Variants in SLC22A25 observed in about 807,000 individuals in gnomAD.
SLC22A25 encodes MGI:2442751, MGI:2385316, MGI:3042283, MGI:3645714, MGI:3605624, MGI:2442750.
A neutral mutation model predicts 45.9 loss-of-function variants in SLC22A25; 44 were observed. That is an observed-to-expected ratio of 0.96 (90% CI 0.75 to 1.23). SLC22A25 has a LOEUF of 1.23. Among genes scored for constraint, SLC22A25 ranks in the 50% most tolerant of loss-of-function variants. The pLI is 0.00. For missense variants in SLC22A25, 800 were observed against 666.4 expected (o/e 1.20, Z -2.21); for synonymous variants, 283 against 238.6 (o/e 1.19, Z -1.72).
In SLC22A25 at chr11:63,165,922, A is replaced by G. The variant is rs551823923; in HGVS notation, c.1285+122T>C. On this transcript the variant is annotated intron_variant, in intron 10 of 11. Transcript: ENST00000306494. ...ATCTGTCCTAAAGCCCCAGATTTCT[A>G]TCAGGGAATCCTGAGAACTCAATTC... 21 of 1,253,690 alleles carry G rather than the reference A, an allele frequency of 1.7e-5. No homozygotes were observed. The Admixed American group carries it at 4.5e-4, about 27-fold the overall frequency. The allele number at this position is 1,253,690 out of a possible 1,614,324, so 77.7% of individuals were successfully genotyped here. A position where few individuals can be genotyped will look rare whatever the true frequency, so the allele number is the denominator to read the frequency against.
Position 63,238,723 on chromosome 11 carries a change from A to G in SLC22A25, c.-583T>C, listed in dbSNP as rs938125156. 1 of 201,030 alleles carries G rather than the reference A, an allele frequency of 5.0e-6. No homozygotes were observed. The allele number at this position is 201,030 out of a possible 1,614,324, so 12.5% of individuals were successfully genotyped here. ...GGAAATTGGGGCCTCTTACCCAGTC[A>G]CGATGGTGGAGAGGAAGGAGCTTCT... On this transcript the variant is annotated 5_prime_UTR_variant, in exon 2 of 12. It removes the in-frame stop codon of an upstream open reading frame in the 5' UTR. Transcript: ENST00000306494.
chr11:63,219,179 CT>C (rs1258741959), intron 5 of SLC22A25, among the ~76,000 whole-genome samples: 4 of 152,014 alleles, frequency 2.6e-5, no homozygotes, highest in African/African-American at 9.7e-5. Flanking sequence ...AAATGCATGA[CT>C]TTTTTCTATA....
In SLC22A25 at chr11:63,174,355, C is replaced by T. The variant is rs1427250571; in HGVS notation, c.1070+6305G>A. Among the ~76,000 whole-genome samples the T allele has an allele frequency of 2.6e-5, 4 of 152,212 alleles. No individual in the cohort carries two copies. The East Asian group carries it at 7.7e-4, about 29-fold the overall frequency. On this transcript the variant is annotated intron_variant, in intron 9 of 11. Coordinates refer to ENST00000306494, the MANE Select transcript of SLC22A25 (RefSeq NM_199352.6). ...GAACACAAGATTGGGCTCCCAGTGG[C>T]AGAGCAATGGTCAGGCAGGCATAAA...
chr11:63,210,585 A>G (rs2089531321), intron 7 of SLC22A25, among the ~76,000 whole-genome samples: 1 of 152,130 alleles, frequency 6.6e-6, no homozygotes, highest in South Asian at 2.1e-4. Flanking sequence ...GCAGATCCTG[A>G]CCTGATTGGC....
At chr11:63,210,032 A>G (rs968717992) in intron 7 of SLC22A25, among the ~76,000 whole-genome samples, 4 of 152,236 alleles carry the variant, frequency 2.6e-5, no homozygotes, top group Non-Finnish European at 5.9e-5. Context: ...ATATGAGTAA[A>G]ATATCAGAAG....
intron 5 of SLC22A25, among the ~76,000 whole-genome samples, chr11:63,226,676 G>T (rs1486495351): frequency 6.6e-6 from 1 of 152,204 alleles, no homozygotes; most frequent in East Asian, 1.9e-4. Context: ...AGGTCCTAGG[G>T]TTCTACAATC....
chr11:63,168,030 T>A, intron 9 of SLC22A25: 1 of 306,444 alleles, frequency 3.3e-6, no homozygotes, highest in Non-Finnish European at 6.6e-6. Flanking sequence ...AAACAGGATC[T>A]GGAGTGGACC....
Position 63,230,199 on chromosome 11 carries a change from G to A in SLC22A25, c.-444-103C>T, listed in dbSNP as rs141730910. Reference sequence around the variant, plus strand: ...GTTGAATTAAAATGAGTAATATGGTGCAAACCTTCCATTTTGTTGACTGAT... The same window carrying A: ...GTTGAATTAAAATGAGTAATATGGTACAAACCTTCCATTTTGTTGACTGAT... On this transcript the variant is annotated intron_variant, in intron 3 of 11. Coordinates refer to ENST00000306494, the MANE Select transcript of SLC22A25 (RefSeq NM_199352.6). Among the ~76,000 whole-genome samples, 54 of 152,240 alleles carry A rather than the reference G, an allele frequency of 3.5e-4. No individual in the cohort carries two copies. In the East Asian group the frequency reaches 9.5e-3, roughly 27 times the overall value.
chr11:63,179,714 A>C (rs2088250124), intron 9 of SLC22A25, among the ~76,000 whole-genome samples: 1 of 152,138 alleles, frequency 6.6e-6, no homozygotes, highest in African/African-American at 2.4e-5. Context: ...CTCCCTGGAA[A>C]ATCAGTATAT....
At chr11:63,185,785 T>C (rs1169510700) in intron 7 of SLC22A25, among the ~76,000 whole-genome samples, 2 of 143,706 alleles carry the variant, frequency 1.4e-5, no homozygotes, top group South Asian at 2.2e-4. Context: ...TGAGTGAGAA[T>C]ATGCGGTGTT....
chr11:63,242,195 C>A (rs952059380), intron 1 of SLC22A25, among the ~76,000 whole-genome samples: 9 of 152,200 alleles, frequency 5.9e-5, no homozygotes, highest in Non-Finnish European at 1.3e-4. Context: ...TCCCCCTCCA[C>A]CCCTGGATTC....
At chr11:63,239,407 T>G (rs913187465) in intron 1 of SLC22A25, among the ~76,000 whole-genome samples, 3 of 152,246 alleles carry the variant, frequency 2.0e-5, no homozygotes, top group African/African-American at 4.8e-5. Flanking sequence ...ATTTATGTTA[T>G]CAGCAGCACC....
Position 63,229,364 on chromosome 11 carries a change from T to A in SLC22A25, c.289A>T (p.Lys97Ter), listed in dbSNP as rs145812369. Residue 97 changes from lysine to a stop codon, truncating the protein, a stop_gained, in exon 4 of 12, where the codon AAG becomes TAG. Transcript: ENST00000306494. LOFTEE classifies it high-confidence loss of function. ...KCRRFVHPQW[K>*]LIHLNGTFPN... Reference sequence around the variant, plus strand: ...AAGGTCCCATTCAGATGAATGAGCTTCCACTGGGGATGGACAAAGCGACGA... The same window carrying A: ...AAGGTCCCATTCAGATGAATGAGCTACCACTGGGGATGGACAAAGCGACGA... 1 of 1,614,044 alleles carries A rather than the reference T, an allele frequency of 6.2e-7. No homozygotes were observed. The highest frequency in any genetic ancestry group is 2.2e-5 in the East Asian group (1 of 44,864).
Position 63,158,933 on chromosome 11 carries a change from T to C in SLC22A25, c.*4891A>G, listed in dbSNP as rs746188263. On this transcript the variant is annotated 3_prime_UTR_variant, in exon 12 of 12. Transcript: ENST00000306494. ...TACCCTTCTCAGCCTCTGGTAATCA[T>C]CCTTCTCTCTCTATGTCTATGAGTT... Among the ~76,000 whole-genome samples the C allele has an allele frequency of 1.3e-5, 2 of 152,306 alleles. No individual in the cohort carries two copies. The highest frequency in any genetic ancestry group is 2.9e-5 in the Non-Finnish European group (2 of 68,014).
chr11:63,164,426 T>C (rs2087608511), intron 11 of SLC22A25, 100 bp downstream of exon 11: 1 of 1,052,008 alleles, frequency 9.5e-7, no homozygotes. Flanking sequence ...ATTTGATTGT[T>C]TTTTAACTAA....
chr11:63,196,632 A>G (rs1217699158), intron 7 of SLC22A25, among the ~76,000 whole-genome samples: 1 of 152,202 alleles, frequency 6.6e-6, no homozygotes, highest in African/African-American at 2.4e-5. Context: ...ATTTATGACA[A>G]ACCCACATCC....
intron 9 of SLC22A25, among the ~76,000 whole-genome samples, chr11:63,179,964 C>A (rs1441474794): frequency 6.6e-6 from 1 of 152,072 alleles, no homozygotes; most frequent in Non-Finnish European, 1.5e-5. Flanking sequence ...TCTTTCCTTC[C>A]CTGTGAGGGA....
chr11:63,234,733 T>C (rs912919455), intron 3 of SLC22A25, among the ~76,000 whole-genome samples: 1 of 152,310 alleles, frequency 6.6e-6, no homozygotes, highest in South Asian at 2.1e-4. Context: ...TTCCTAGCCT[T>C]GATGGTCTTT....
chr11:63,186,132 A>C (rs1264445308), intron 7 of SLC22A25, among the ~76,000 whole-genome samples: 4 of 141,160 alleles, frequency 2.8e-5, no homozygotes, highest in African/African-American at 5.3e-5. Context: ...GACTTCCACA[A>C]TGGTTGAACT....
Sources: allele counts gnomAD v4.1 joint callset (sites outside exome capture counted in the v4.1 genomes callset), GRCh38; gene constraint gnomAD v4.1.1; transcripts MANE v1.5; gene names NCBI Gene and HGNC (gene_info 2026-07-23, HGNC 2026-07-21).